Variants in GHR observed in about 807,000 individuals in gnomAD.
The protein encoded by GHR is growth hormone receptor.
A neutral mutation model predicts 67.1 loss-of-function variants in GHR; 35 were observed. That is an observed-to-expected ratio of 0.52 (90% confidence interval 0.40 to 0.69). The LOEUF is 0.69. Ranked by LOEUF, GHR falls within the 30% of genes least tolerant of loss-of-function variation. GHR has a pLI of 0.00. For missense variants in GHR, 792 were observed against 764.6 expected (o/e 1.04, Z -0.42); for synonymous variants, 272 against 269.1 (o/e 1.01, Z -0.10).
rs1755676845 is a variant in GHR, at chr5:42,662,203, G to A, written c.137-26687G>A. ...CAACATTAGACAGATCAACGGGACA[G>A]AAAGTTAACAAGGATACCCAGGAAT... On this transcript the variant is annotated intron_variant, in intron 3 of 9. Coordinates refer to ENST00000230882, the MANE Select transcript of GHR (RefSeq NM_000163.5). Among the ~76,000 whole-genome samples, 11 of 152,310 alleles carry A rather than the reference G, an allele frequency of 7.2e-5. No homozygotes were observed. In the South Asian group the frequency reaches 2.3e-3, roughly 32 times the overall value.
chr5:42,524,639 C>T (rs1406254603), intron 1 of GHR, among the ~76,000 whole-genome samples: 1 of 152,178 alleles, frequency 6.6e-6, no homozygotes, highest in Non-Finnish European at 1.5e-5. Context: ...TCCCCTAGAC[C>T]ATGGGGAAAA....
In GHR at chr5:42,505,834, G is replaced by T. The variant is rs866338765; in HGVS notation, c.-11-60030G>T. Among the ~76,000 whole-genome samples the T allele has an allele frequency of 3.3e-5, 5 of 152,084 alleles. No individual in the cohort carries two copies. In the South Asian group the frequency reaches 8.3e-4, roughly 25 times the overall value. On this transcript the variant is annotated intron_variant, in intron 1 of 9. Coordinates refer to ENST00000230882, the MANE Select transcript of GHR (RefSeq NM_000163.5). ...TATTTATTGGACATATAATTAGAAG[G>T]TCTGGGTTATAATCTTGATTCTACA...
At chr5:42,514,030 A>C (rs1747135988) in intron 1 of GHR, 1 of 795,914 alleles carries the variant, frequency 1.3e-6, no homozygotes, top group Non-Finnish European at 1.5e-6. Flanking sequence ...TTACTGGAAA[A>C]GAAAAATAAA....
At chr5:42,677,341 C>T (rs1235587094) in intron 3 of GHR, among the ~76,000 whole-genome samples, 1 of 152,172 alleles carries the variant, frequency 6.6e-6, no homozygotes, top group Non-Finnish European at 1.5e-5. Context: ...GAGAGCCAGC[C>T]ACACAGTATC....
intron 1 of GHR, among the ~76,000 whole-genome samples, chr5:42,542,773 T>C (rs1748571841): frequency 6.6e-6 from 1 of 152,074 alleles, no homozygotes; most frequent in African/African-American, 2.4e-5. Context: ...CACCTTTTTT[T>C]ATCCCTCAGC....
intron 1 of GHR, among the ~76,000 whole-genome samples, chr5:42,473,727 A>G (rs1324978227): frequency 6.6e-6 from 1 of 152,016 alleles, no homozygotes; most frequent in African/African-American, 2.4e-5. Flanking sequence ...AAATACAAAA[A>G]TTAGCTGGGC....
chr5:42,488,969 A>G (rs1318920124), intron 1 of GHR, among the ~76,000 whole-genome samples: 1 of 152,184 alleles, frequency 6.6e-6, no homozygotes, highest in Non-Finnish European at 1.5e-5. Flanking sequence ...ACCAACACCA[A>G]TCTACACGTC....
intron 1 of GHR, among the ~76,000 whole-genome samples, chr5:42,549,278 C>CA (rs1239412597): frequency 6.6e-6 from 1 of 152,212 alleles, no homozygotes; most frequent in Non-Finnish European, 1.5e-5. Context: ...AACAGAAGGA[C>CA]ATTCTCCCAC....
chr5:42,493,669 A>G (rs1746206233), intron 1 of GHR, among the ~76,000 whole-genome samples: 1 of 152,196 alleles, frequency 6.6e-6, no homozygotes, highest in Admixed American at 6.5e-5. Context: ...CAAAAGAAAT[A>G]TTTCTAAAAG....
intron 2 of GHR, among the ~76,000 whole-genome samples, chr5:42,594,532 G>A (rs2112607101): frequency 6.6e-6 from 1 of 152,212 alleles, no homozygotes; most frequent in Admixed American, 6.5e-5. Flanking sequence ...CATTATTAGT[G>A]CTATGTTTAA....
intron 3 of GHR, among the ~76,000 whole-genome samples, chr5:42,670,780 A>G (rs1756235729): frequency 6.6e-6 from 1 of 151,718 alleles, no homozygotes; most frequent in Non-Finnish European, 1.5e-5. Context: ...GCACATGTAT[A>G]CATATGTAAC....
rs567560755 is a variant in GHR at position 42,476,377 on chromosome 5, G to A, written c.-12+52422G>A. On this transcript the variant is annotated intron_variant, in intron 1 of 9. Coordinates refer to ENST00000230882, the MANE Select transcript of GHR (RefSeq NM_000163.5). ...TGGGATTACAGGCACGCGCCACCATGCCCGGCTAAATTTTTTGTTTTTTAG... is the reference window on the plus strand; with the variant it reads ...TGGGATTACAGGCACGCGCCACCATACCCGGCTAAATTTTTTGTTTTTTAG... Among the ~76,000 whole-genome samples the A allele has an allele frequency of 1.3e-4, 19 of 151,862 alleles. No homozygotes were observed. In the South Asian group the frequency reaches 3.7e-3, roughly 30 times the overall value.
chr5:42,520,640 C>A (rs1213319887), intron 1 of GHR, among the ~76,000 whole-genome samples: 1 of 152,056 alleles, frequency 6.6e-6, no homozygotes, highest in African/African-American at 2.4e-5. Flanking sequence ...AGAATGGGTA[C>A]TTTTTTTGTC....
At chr5:42,474,337 G>GAAAA (rs369485310) in intron 1 of GHR, among the ~76,000 whole-genome samples, 1 of 41,786 alleles carries the variant, frequency 2.4e-5, no homozygotes, top group Non-Finnish European at 5.5e-5. Flanking sequence ...AAGAAAGAAA[G>GAAAA]AAAAGAAATA....
intron 2 of GHR, among the ~76,000 whole-genome samples, chr5:42,613,301 GCTGCTGTTGTTT>G (rs1752976859): frequency 6.6e-6 from 1 of 152,038 alleles, no homozygotes; most frequent in South Asian, 2.1e-4. Context: ...AGTTATCCTT[GCTGCTGTTGTTT>G]CTCCGTGTGT....
At chr5:42,638,051 T>G (rs1754289377) in intron 3 of GHR, among the ~76,000 whole-genome samples, 1 of 152,168 alleles carries the variant, frequency 6.6e-6, no homozygotes, top group Non-Finnish European at 1.5e-5. Context: ...GCAATTTGCC[T>G]GCCTCAGCCT....
chr5:42,512,835 A>T (rs1458257614), intron 1 of GHR, among the ~76,000 whole-genome samples: 1 of 150,174 alleles, frequency 6.7e-6, no homozygotes, highest in Admixed American at 6.6e-5. Context: ...GAAAGCTTTG[A>T]TCCATTCTCT....
At chr5:42,675,998 A>T (rs915554803) in intron 3 of GHR, among the ~76,000 whole-genome samples, 1 of 152,220 alleles carries the variant, frequency 6.6e-6, no homozygotes, top group African/African-American at 2.4e-5. Flanking sequence ...TAAAAAAGGA[A>T]GAAATTGGCT....
intron 5 of GHR, 41 bp downstream of exon 5, chr5:42,695,130 C>T (rs1757612356): frequency 1.4e-6 from 2 of 1,397,196 alleles, no homozygotes; most frequent in Admixed American, 1.7e-5. Flanking sequence ...TAGTTTTAGA[C>T]TAAATAAATG....
Sources: allele counts gnomAD v4.1 joint callset (sites outside exome capture counted in the v4.1 genomes callset), GRCh38; gene constraint gnomAD v4.1.1; transcripts MANE v1.5; gene names NCBI Gene and HGNC (gene_info 2026-07-23, HGNC 2026-07-21).